SH3RF1: variants seen among roughly 807,000 people sequenced by gnomAD.
The protein encoded by SH3RF1 is E3 ubiquitin-protein ligase SH3RF1.
SH3RF1 carries 32 observed loss-of-function variants against 74.0 expected under a neutral mutation model. That is an observed-to-expected ratio of 0.43 (90% CI 0.33 to 0.58). SH3RF1 has a LOEUF of 0.58. Ranked by LOEUF, SH3RF1 falls within the 20% of genes least tolerant of loss-of-function variation. The pLI, the probability that SH3RF1 is intolerant of heterozygous loss-of-function variation, is 0.05. For missense variants in SH3RF1, 954 were observed against 1,130.9 expected, an observed-to-expected ratio of 0.84 and a Z score of 2.24; for synonymous variants, 396 against 439.6, an observed-to-expected ratio of 0.90 and a Z score of 1.24.
At chr4:169,103,070 G>A (rs866373866) in intron 11 of SH3RF1, among the ~76,000 whole-genome samples, 16 of 146,174 alleles carry the variant, frequency 1.1e-4, no homozygotes, top group Admixed American at 4.2e-4. Flanking sequence ...ACAGGTGCCC[G>A]CCACCGCGCC....
intron 2 of SH3RF1, among the ~76,000 whole-genome samples, chr4:169,188,649 G>A (rs1398056379): frequency 6.6e-6 from 1 of 152,174 alleles, no homozygotes; most frequent in Non-Finnish European, 1.5e-5. Context: ...AAGCCCACAT[G>A]TAAAAACATC....
At position 169,107,156 on chromosome 4, in the gene SH3RF1, C is replaced by T. The variant is rs753089960; in HGVS notation, c.2189G>A (p.Arg730Gln). The T allele has an allele frequency of 5.9e-5, 93 of 1,571,074 alleles. No homozygotes were observed. Among genetic ancestry groups the T allele is most frequent in the Non-Finnish European group, 7.7e-5 (89 of 1,160,644 alleles). Residue 730 changes from arginine to glutamine, a missense_variant, in exon 11 of 12, where the codon CGG (arginine) becomes CAG (glutamine). This residue lies in a region of SH3RF1 where 854 missense variants were observed against 962.5 expected (regional missense o/e 0.89). Coordinates refer to ENST00000284637, the MANE Select transcript of SH3RF1 (RefSeq NM_020870.4). ...TGCTGGAGGAGACACGCGGGGCTTCCGTTTAGTGGAGGCGCCAGAAAGCAA... is the reference window on the plus strand; with the variant it reads ...TGCTGGAGGAGACACGCGGGGCTTCTGTTTAGTGGAGGCGCCAGAAAGCAA... ...LKLLSGASTK[R>Q]KPRVSPPASP...
At chr4:169,155,607 A>G (rs930382652) in intron 3 of SH3RF1, 32 bp from the exon 4 acceptor site, 1 of 1,459,144 alleles carries the variant, frequency 6.9e-7, no homozygotes, top group Non-Finnish European at 9.6e-7. Context: ...AATCTACCTG[A>G]TCATTAAGCT....
intron 2 of SH3RF1, among the ~76,000 whole-genome samples, chr4:169,216,045 C>A (rs1730456888): frequency 6.6e-6 from 1 of 152,176 alleles, no homozygotes; most frequent in Non-Finnish European, 1.5e-5. Context: ...CTCAAGAGAT[C>A]TGCCCACCTT....
intron 2 of SH3RF1, among the ~76,000 whole-genome samples, chr4:169,181,617 A>C (rs1734513073): frequency 6.6e-6 from 1 of 152,126 alleles, no homozygotes; most frequent in Non-Finnish European, 1.5e-5. Context: ...TCAGGTCCCC[A>C]AAATCTGAGG....
chr4:169,186,415 T>A (rs918932599), intron 2 of SH3RF1, among the ~76,000 whole-genome samples: 3 of 152,074 alleles, frequency 2.0e-5, no homozygotes, highest in African/African-American at 7.2e-5. Flanking sequence ...GTATTATTTC[T>A]CAGAGACTAA....
At chr4:169,258,452 C>T (rs796666454) in intron 2 of SH3RF1, among the ~76,000 whole-genome samples, 3 of 151,696 alleles carry the variant, frequency 2.0e-5, no homozygotes, top group African/African-American at 7.3e-5. Flanking sequence ...ACTTGTTTTA[C>T]AAAAATGAGT....
At chr4:169,158,486 A>G (rs1008443584) in intron 2 of SH3RF1, among the ~76,000 whole-genome samples, 25 of 152,338 alleles carry the variant, frequency 1.6e-4, no homozygotes, top group Non-Finnish European at 7.4e-5. Context: ...CTTGTATAAC[A>G]TATGAAAGAG....
At chr4:169,226,008 A>G (rs914992276) in intron 2 of SH3RF1, among the ~76,000 whole-genome samples, 2 of 152,168 alleles carry the variant, frequency 1.3e-5, no homozygotes, top group African/African-American at 4.8e-5. Context: ...AGAAGAGACA[A>G]TGAATAAAGC....
Position 169,254,758 on chromosome 4 carries a change from C to CT in SH3RF1, c.393+14061dup, listed in dbSNP as rs1386413123. 2.0e-5 allele frequency among the ~76,000 whole-genome samples: 3 copies of CT among 152,178 alleles called. No homozygotes were observed. In the East Asian group the frequency reaches 5.8e-4, roughly 29 times the overall value. On this transcript the variant is annotated intron_variant, in intron 2 of 11. Coordinates refer to ENST00000284637, the MANE Select transcript of SH3RF1 (RefSeq NM_020870.4). Reference sequence around the variant, plus strand: ...CCACAACTTGAAGCCCCATTCAGAACTTTATCACCACACTAAGAGCTCTTC... The same window carrying CT: ...CCACAACTTGAAGCCCCATTCAGAACTTTTATCACCACACTAAGAGCTCTTC...
intron 2 of SH3RF1, among the ~76,000 whole-genome samples, chr4:169,206,023 A>G (rs148306233): frequency 6.6e-6 from 1 of 152,338 alleles, no homozygotes; most frequent in African/African-American, 2.4e-5. Flanking sequence ...ATAGTTTTAA[A>G]TGGAATACAT....
chr4:169,118,672 G>T (rs1733385237), intron 8 of SH3RF1, among the ~76,000 whole-genome samples: 1 of 152,078 alleles, frequency 6.6e-6, no homozygotes, highest in South Asian at 2.1e-4. Context: ...GGCCAGGCTG[G>T]TCTCGAACTC....
chr4:169,136,717 G>T, intron 4 of SH3RF1, 97 bp from the exon 5 acceptor site: 1 of 1,332,790 alleles, frequency 7.5e-7, no homozygotes, highest in South Asian at 1.8e-5. Flanking sequence ...AAAATTTAAA[G>T]TCACTACTTT....
chr4:169,255,788 T>C (rs1731183301), intron 2 of SH3RF1, among the ~76,000 whole-genome samples: 1 of 151,622 alleles, frequency 6.6e-6, no homozygotes, highest in Non-Finnish European at 1.5e-5. Flanking sequence ...TCTTTTTGAG[T>C]CAAGAGTCTC....
In SH3RF1 at chr4:169,096,555, A is replaced by T. The variant is rs1214225211; in HGVS notation, c.2631T>A (p.Thr877=). ...CCACAAAGCTTCCTGGGAAAAGGCC[A>T]GTTTTCCCATTACGTTGTAATGTGC... is the stretch of plus-strand genomic sequence containing the variant. The part of the protein sequence containing the change: ...FKGTLQRNGK[T]GLFPGSFVEN... Residue 877 remains threonine, a synonymous_variant, in exon 12 of 12, where the codon ACT becomes ACA. Transcript: ENST00000284637. 1 of 1,613,928 alleles carries T rather than the reference A, an allele frequency of 6.2e-7. No homozygotes were observed. Among genetic ancestry groups the T allele is most frequent in the African/African-American group, 1.3e-5 (1 of 74,922 alleles).
intron 2 of SH3RF1, among the ~76,000 whole-genome samples, chr4:169,207,607 T>C (rs1730282370): frequency 6.6e-6 from 1 of 152,186 alleles, no homozygotes; most frequent in Admixed American, 6.5e-5. Flanking sequence ...CTGTCCATAG[T>C]ATGTGGTCAG....
At chr4:169,198,032 C>A (rs1180756807) in intron 2 of SH3RF1, among the ~76,000 whole-genome samples, 1 of 152,150 alleles carries the variant, frequency 6.6e-6, no homozygotes, top group Non-Finnish European at 1.5e-5. Flanking sequence ...AATGTAAAGG[C>A]TTCATAATAC....
chr4:169,204,138 G>A (rs929453339), intron 2 of SH3RF1: 2 of 152,148 alleles, frequency 1.3e-5, no homozygotes, highest in Non-Finnish European at 2.9e-5. Context: ...ATTATCAAAT[G>A]AGATGAGGTA....
intron 2 of SH3RF1, among the ~76,000 whole-genome samples, chr4:169,164,955 C>G (rs1252481386): frequency 2.0e-5 from 3 of 152,156 alleles, no homozygotes; most frequent in African/African-American, 7.2e-5. Flanking sequence ...ATTGAGAATG[C>G]AGTCACTCAA....
Sources: allele counts gnomAD v4.1 joint callset (sites outside exome capture counted in the v4.1 genomes callset), GRCh38; gene constraint gnomAD v4.1.1; regional missense constraint gnomAD v4.1.1; transcripts MANE v1.5; gene names NCBI Gene and HGNC (gene_info 2026-07-23, HGNC 2026-07-21).